Variants in CFAP251 observed in about 807,000 individuals in gnomAD.
CFAP251 encodes the protein cilia- and flagella-associated protein 251.
Under a neutral mutation model 126.7 loss-of-function variants are expected in CFAP251, and 93 were observed. That is an observed-to-expected ratio of 0.73 (90% CI 0.62 to 0.87). CFAP251 has a LOEUF of 0.87. Among genes scored for constraint, CFAP251 ranks in the 40% least tolerant of loss-of-function variants. CFAP251 has a pLI of 0.00. For missense variants in CFAP251, 1,287 were observed against 1,389.2 expected (o/e 0.93, Z 1.17); for synonymous variants, 503 against 506.9 (o/e 0.99, Z 0.10).
At chr12:121,976,292 A>G (rs565551669) in intron 19 of CFAP251, among the ~76,000 whole-genome samples, 2 of 152,214 alleles carry the variant, frequency 1.3e-5, no homozygotes, top group East Asian at 3.9e-4. Flanking sequence ...TACAGGCATG[A>G]GCGACCACTC....
Position 121,958,313 on chromosome 12 carries a change from T to C in CFAP251, c.1772T>C (p.Leu591Ser). The stretch of plus-strand genomic sequence containing the variant: ...ACATCTGATGCCGCGGTGTACCACT[T>C]AACAACAGATGGGACCAAACTTGAG... ...IGTSDAAVYHLTTDGTKLEKL... is the reference protein window; with the variant it reads ...IGTSDAAVYHSTTDGTKLEKL... Residue 591 changes from leucine (L) to serine (S), a missense_variant, in exon 12 of 22, where the codon TTA (leucine) becomes TCA (serine). Coordinates refer to ENST00000288912, the MANE Select transcript of CFAP251 (RefSeq NM_144668.6). The C allele has an allele frequency of 6.2e-7, 1 of 1,614,158 alleles. No homozygotes were observed.
intron 3 of CFAP251, among the ~76,000 whole-genome samples, chr12:121,926,858 G>A (rs1310968472): frequency 2.0e-5 from 3 of 152,118 alleles, no homozygotes; most frequent in African/African-American, 7.2e-5. Flanking sequence ...CAGGAGAATC[G>A]CTTGAACCCA....
intron 10 of CFAP251, among the ~76,000 whole-genome samples, chr12:121,956,469 G>A (rs1881731143): frequency 6.6e-6 from 1 of 152,100 alleles, no homozygotes; most frequent in East Asian, 1.9e-4. Flanking sequence ...TATATGGGAT[G>A]TACTTACACT....
intron 9 of CFAP251, among the ~76,000 whole-genome samples, chr12:121,952,433 A>G (rs1346943309): frequency 6.6e-6 from 1 of 151,930 alleles, no homozygotes; most frequent in African/African-American, 2.4e-5. Context: ...AAAAAAAAAA[A>G]ATGAATGAAA....
intron 19 of CFAP251, among the ~76,000 whole-genome samples, chr12:121,981,694 C>T (rs775974028): frequency 5.3e-5 from 8 of 152,190 alleles, no homozygotes; most frequent in Non-Finnish European, 1.0e-4. Context: ...CATCGTGGGC[C>T]GTGCCTCTCG....
chr12:121,982,629 C>T (rs186312891), intron 19 of CFAP251, among the ~76,000 whole-genome samples: 2 of 152,236 alleles, frequency 1.3e-5, no homozygotes, highest in East Asian at 1.9e-4. Context: ...CCACTCACCT[C>T]GGCCTCCCAA....
At chr12:121,999,051 C>T (rs1324983328) in intron 19 of CFAP251, 1 of 151,900 alleles carries the variant, frequency 6.6e-6, no homozygotes, top group African/African-American at 2.4e-5. Context: ...GTTGAGGAAG[C>T]TTCTTTCTAT....
At chr12:122,003,543 A>C (rs893261762) in intron 21 of CFAP251, 109 bp from the exon 22 acceptor site, 1 of 780,298 alleles carries the variant, frequency 1.3e-6, no homozygotes, top group African/African-American at 1.8e-5. Flanking sequence ...ACTGCACTCC[A>C]GCCTGGGCAA....
chr12:121,940,494 G>A (rs983380058), intron 5 of CFAP251, among the ~76,000 whole-genome samples: 3 of 152,118 alleles, frequency 2.0e-5, no homozygotes, highest in Non-Finnish European at 4.4e-5. Flanking sequence ...CAGAGATGCT[G>A]AGGCCTGTTT....
chr12:121,934,804 T>C (rs1417552931), intron 5 of CFAP251, among the ~76,000 whole-genome samples: 1 of 152,228 alleles, frequency 6.6e-6, no homozygotes, highest in African/African-American at 2.4e-5. Flanking sequence ...AACCCACCAT[T>C]GCCTCCTTTC....
rs1361774574 is a variant in CFAP251 at position 121,951,516 on chromosome 12, C to G, written c.1306C>G (p.Leu436Val). ...GGATACACTGGCTCACAGTGCCCCA[C>G]TTTTAACTGAAAAAGTGAGTATGCC... ...ERDTLAHSAP[L>V]LTEKTFNKLV... Residue 436 changes from leucine to valine, a missense_variant, in exon 9 of 22, where the codon CTT becomes GTT. Coordinates refer to ENST00000288912, the MANE Select transcript of CFAP251 (RefSeq NM_144668.6). 1 of 1,583,814 alleles carries G rather than the reference C, an allele frequency of 6.3e-7. No homozygotes were observed. The highest frequency in any genetic ancestry group is 1.7e-4 in the Middle Eastern group (1 of 5,944).
intron 7 of CFAP251, 32 bp downstream of exon 7, chr12:121,943,007 C>G (rs1420641074): frequency 6.2e-6 from 10 of 1,610,892 alleles, no homozygotes; most frequent in South Asian, 1.1e-5. Context: ...AAACATCAAC[C>G]TGAAGTTATA....
intron 5 of CFAP251, among the ~76,000 whole-genome samples, chr12:121,940,062 G>A (rs1051285423): frequency 1.3e-5 from 2 of 152,080 alleles, no homozygotes; most frequent in Non-Finnish European, 2.9e-5. Context: ...TTCCTTAAGT[G>A]TTCTAATATT....
At chr12:121,931,620 T>G in intron 3 of CFAP251, 126 bp from the exon 4 acceptor site, 5 of 981,900 alleles carry the variant, frequency 5.1e-6, no homozygotes, top group Middle Eastern at 3.5e-4. Flanking sequence ...GCTGAGGACT[T>G]TCTTAAAGTG....
At position 121,960,603 on chromosome 12, in the gene CFAP251, G is replaced by A; in HGVS notation, c.2152G>A (p.Ala718Thr). ...MATADRSFTV[A>T]VYMLVVRNGQ... is the part of the protein sequence containing the mutation. ...TCTTCAGGATAGAAGTTTTACTGTGGCTGTTTACATGCTGGTGGTCAGAAA... is the reference window on the plus strand; with the variant it reads ...TCTTCAGGATAGAAGTTTTACTGTGACTGTTTACATGCTGGTGGTCAGAAA... The change falls in exon 14 of 22, where the codon GCT becomes ACT. Residue 718 changes from alanine (A) to threonine (T), a missense_variant. Transcript: ENST00000288912. 6.2e-7 allele frequency: 1 copy of A among 1,614,146 alleles called. No homozygotes were observed. Among genetic ancestry groups the A allele is most frequent in the Non-Finnish European group, 8.5e-7 (1 of 1,180,018 alleles).
chr12:121,971,789 T>A (rs1882336155), intron 17 of CFAP251: 2 of 572,018 alleles, frequency 3.5e-6, no homozygotes, highest in Non-Finnish European at 6.3e-6. Flanking sequence ...TACCCAAATC[T>A]CATCTTGAAT....
At chr12:121,934,622 A>C (rs1880817727) in intron 5 of CFAP251, among the ~76,000 whole-genome samples, 1 of 152,190 alleles carries the variant, frequency 6.6e-6, no homozygotes, top group Non-Finnish European at 1.5e-5. Flanking sequence ...TCTTCTGGGC[A>C]GTTCTTAATG....
Position 121,921,640 on chromosome 12 carries a change from C to G in CFAP251, c.335C>G (p.Thr112Arg). ...ACAGCGTCCATGATCCGTTTGGAGA[C>G]ACAGATTACTGATTCCCAGTCAATC... The part of the protein sequence containing the change: ...EVTASMIRLE[T>R]QITDSQSITS... Residue 112 changes from threonine to arginine, a missense_variant, in exon 2 of 22, where the codon ACA becomes AGA. Thr to Arg is a moderately conservative substitution (Grantham distance 71, BLOSUM62 -1). Transcript: ENST00000288912. 1 of 1,611,340 alleles carries G rather than the reference C, an allele frequency of 6.2e-7. No individual in the cohort carries two copies. Among genetic ancestry groups the G allele is most frequent in the East Asian group, 2.2e-5 (1 of 44,872 alleles).
At chr12:121,972,917 A>G (rs1354865159) in intron 17 of CFAP251, among the ~76,000 whole-genome samples, 6 of 152,244 alleles carry the variant, frequency 3.9e-5, no homozygotes, top group Non-Finnish European at 7.3e-5. Context: ...ATGTGATAGA[A>G]AAGAAAAACC....
Sources: gnomAD v4.1 joint callset for allele counts (sites outside exome capture counted in the v4.1 genomes callset) on GRCh38, gnomAD v4.1.1 for gene constraint, MANE v1.5 for transcripts, NCBI Gene and HGNC (gene_info 2026-07-23, HGNC 2026-07-21) for gene names.